DCC: variants seen among roughly 807,000 people sequenced by gnomAD.
DCC encodes the protein DCC netrin 1 receptor, also known as netrin receptor DCC.
DCC carries 58 observed loss-of-function variants against 172.5 expected under a neutral mutation model. The observed-to-expected ratio is 0.34, with a 90% CI of 0.27 to 0.42. The LOEUF (loss-of-function observed/expected upper bound fraction) is 0.42. Among genes scored for constraint, DCC ranks in the 10% least tolerant of loss-of-function variants. The pLI is 1.00. For missense variants in DCC, 1,740 were observed against 1,791.0 expected (o/e 0.97, Z 0.51); for synonymous variants, 709 against 644.5 (o/e 1.10, Z -1.52).
chr18:53,401,431 C>A (rs933076887), intron 18 of DCC, among the ~76,000 whole-genome samples: 1 of 152,014 alleles, frequency 6.6e-6, no homozygotes, highest in South Asian at 2.1e-4. Flanking sequence ...TTGAAGATCA[C>A]GGTGTTGGAA....
intron 2 of DCC, chr18:52,816,632 A>G (rs376815089): frequency 1.4e-4 from 21 of 152,258 alleles, no homozygotes; most frequent in African/African-American, 5.1e-4. Context: ...CCTATTTTAC[A>G]GAGGGAAATG....
At chr18:52,696,428 G>A (rs183729016) in intron 1 of DCC, among the ~76,000 whole-genome samples, 19 of 152,272 alleles carry the variant, frequency 1.2e-4, no homozygotes, top group Admixed American at 2.0e-4. Flanking sequence ...CAAATTCTTA[G>A]AGAAAGGAGA....
chr18:52,357,428 G>A (rs1984418481), intron 1 of DCC, among the ~76,000 whole-genome samples: 1 of 152,100 alleles, frequency 6.6e-6, no homozygotes, highest in Non-Finnish European at 1.5e-5. Flanking sequence ...AACAATTTGA[G>A]CAAGAAAATC....
chr18:53,406,411 A>AAAAGAG (rs925732608), intron 19 of DCC, among the ~76,000 whole-genome samples: 13 of 151,556 alleles, frequency 8.6e-5, no homozygotes, highest in Non-Finnish European at 2.9e-5. Flanking sequence ...GTTTAAAAAA[A>AAAAGAG]AAAGAGAAAG....
At chr18:52,802,281 C>T (rs1411701956) in intron 2 of DCC, among the ~76,000 whole-genome samples, 2 of 152,008 alleles carry the variant, frequency 1.3e-5, no homozygotes, top group African/African-American at 4.8e-5. Context: ...TTTAATATTG[C>T]TATTGCCAGA....
intron 1 of DCC, among the ~76,000 whole-genome samples, chr18:52,653,875 T>C (rs2035192863): frequency 6.6e-6 from 1 of 152,216 alleles, no homozygotes; most frequent in African/African-American, 2.4e-5. Context: ...TAGTGAGTTT[T>C]AATCTTCTTG....
intron 1 of DCC, among the ~76,000 whole-genome samples, chr18:52,406,166 T>G (rs1986643011): frequency 6.7e-6 from 1 of 149,902 alleles, no homozygotes; most frequent in Non-Finnish European, 1.5e-5. Context: ...TATACAAAAA[T>G]CAATTCAAGT....
At chr18:53,018,207 ATAT>A (rs996967611) in intron 5 of DCC, among the ~76,000 whole-genome samples, 8 of 152,164 alleles carry the variant, frequency 5.3e-5, no homozygotes, top group African/African-American at 1.9e-4. Context: ...AGCTAGCATC[ATAT>A]TATTTCTACT....
intron 24 of DCC, among the ~76,000 whole-genome samples, chr18:53,463,651 T>C (rs2045585662): frequency 6.6e-6 from 1 of 152,160 alleles, no homozygotes; most frequent in South Asian, 2.1e-4. Flanking sequence ...TTTCATATAG[T>C]AAATGAAGTA....
At chr18:52,897,006 C>T (rs568346011) in intron 2 of DCC, among the ~76,000 whole-genome samples, 3 of 152,250 alleles carry the variant, frequency 2.0e-5, no homozygotes, top group South Asian at 2.1e-4. Flanking sequence ...AGGATGATTC[C>T]GGAGAATCCT....
rs7236895 is a variant in DCC at position 52,896,932 on chromosome 18, C to A, written c.413-9112C>A. On this transcript the variant is annotated intron_variant, in intron 2 of 28. Coordinates refer to ENST00000442544, the MANE Select transcript of DCC (RefSeq NM_005215.4). ...AAATTCATTCCCTCAGAGACAGTAT[C>A]CTTTCCTAATTATACAATGGGGCAA... 2.2e-3 allele frequency among the ~76,000 whole-genome samples: 328 copies of A among 152,250 alleles called. 4 individuals are homozygous for A. Among genetic ancestry groups the A allele is most frequent in the African/African-American group, 7.4e-3 (309 of 41,554 alleles).
intron 14 of DCC, among the ~76,000 whole-genome samples, chr18:53,326,811 G>A (rs1888470524): frequency 6.6e-6 from 1 of 152,020 alleles, no homozygotes; most frequent in Admixed American, 6.6e-5. Flanking sequence ...AAAAATTAAG[G>A]ATAAGGAGAA....
intron 1 of DCC, among the ~76,000 whole-genome samples, chr18:52,459,463 T>C (rs759818910): frequency 1.3e-5 from 2 of 151,906 alleles, no homozygotes; most frequent in African/African-American, 2.4e-5. Context: ...TGGTTTTCTT[T>C]CTTTCTTTCT....
chr18:52,482,165 A>T lies in DCC; in HGVS notation c.91+141287A>T, dbSNP rs190679031. 7.3e-3 allele frequency among the ~76,000 whole-genome samples: 1,105 copies of T among 152,232 alleles called. 7 individuals are homozygous for T. The highest frequency in any genetic ancestry group is 9.5e-3 in the Admixed American group (145 of 15,270). Reference sequence around the variant, plus strand: ...CACAAACACTTGCACTTGCACATGCACTCACTTCCACCCCTAATCCTCCTA... The same window carrying T: ...CACAAACACTTGCACTTGCACATGCTCTCACTTCCACCCCTAATCCTCCTA... On this transcript the variant is annotated intron_variant, in intron 1 of 28. Transcript: ENST00000442544.
At chr18:52,478,686 C>T (rs1338871327) in intron 1 of DCC, among the ~76,000 whole-genome samples, 4 of 152,188 alleles carry the variant, frequency 2.6e-5, no homozygotes, top group African/African-American at 9.7e-5. Flanking sequence ...AGACACATAA[C>T]ATAGCCACAG....
intron 9 of DCC, among the ~76,000 whole-genome samples, chr18:53,204,549 G>GAAAA (rs71175567): frequency 7.1e-6 from 1 of 140,228 alleles, no homozygotes; most frequent in African/African-American, 2.6e-5. Flanking sequence ...TCTGTTTCTG[G>GAAAA]AAAAAAAAAA....
At chr18:52,453,100 A>G (rs1263380864) in intron 1 of DCC, among the ~76,000 whole-genome samples, 1 of 152,198 alleles carries the variant, frequency 6.6e-6, no homozygotes, top group Non-Finnish European at 1.5e-5. Context: ...TACACGCACC[A>G]CCTCCTCTCT....
chr18:52,503,766 G>C (rs758709711), intron 1 of DCC, among the ~76,000 whole-genome samples: 3 of 152,044 alleles, frequency 2.0e-5, no homozygotes, highest in Non-Finnish European at 2.9e-5. Context: ...GTTTCACCCA[G>C]GTTGGGTGTC....
chr18:52,407,573 C>T (rs991502033), intron 1 of DCC, among the ~76,000 whole-genome samples: 5 of 151,816 alleles, frequency 3.3e-5, no homozygotes, highest in African/African-American at 1.2e-4. Flanking sequence ...TTTTTATGTT[C>T]TATTTCAATT....
Sources: allele counts gnomAD v4.1 joint callset (sites outside exome capture counted in the v4.1 genomes callset), GRCh38; gene constraint gnomAD v4.1.1; transcripts MANE v1.5; gene names NCBI Gene and HGNC (gene_info 2026-07-23, HGNC 2026-07-21).